CWF19L1: variants seen among roughly 807,000 people sequenced by gnomAD.
CWF19L1 encodes the protein CWF19-like protein 1.
In CWF19L1, 60 loss-of-function variants were observed where a neutral mutation model predicts 69.7. The observed-to-expected ratio is 0.86, with a 90% CI of 0.70 to 1.07. The LOEUF is 1.07. Ranked by LOEUF, CWF19L1 falls within the 50% of genes least tolerant of loss-of-function variation. The probability of loss-of-function intolerance (pLI) is 0.00; values close to 1 mark genes in which losing one functional copy is unlikely to be tolerated. For synonymous variants in CWF19L1, 209 were observed against 222.2 expected, an observed-to-expected ratio of 0.94 and a Z score of 0.53; for missense variants, 591 against 638.9, an observed-to-expected ratio of 0.92 and a Z score of 0.81.
chr10:100,267,020 C>T (rs1369146818), intron 1 of CWF19L1, among the ~76,000 whole-genome samples: 1 of 151,852 alleles, frequency 6.6e-6, no homozygotes, highest in Non-Finnish European at 1.5e-5. Flanking sequence ...CTAGACTCTA[C>T]GCTCCATTAA....
At chr10:100,264,609 CA>C (rs34568805) in intron 1 of CWF19L1, among the ~76,000 whole-genome samples, 13,917 of 100,456 alleles carry the variant, frequency 0.14, 855 homozygotes, top group African/African-American at 0.22. Flanking sequence ...CCTACGTATT[CA>C]AAAAAAAAAA....
intron 1 of CWF19L1, chr10:100,267,355 C>A (rs1454876394): frequency 1.1e-6 from 1 of 902,670 alleles, no homozygotes; most frequent in Admixed American, 6.2e-5. Context: ...CCTCTCCGAA[C>A]GAGCGTCGCC....
At chr10:100,245,533 G>A (rs1287254899) in intron 9 of CWF19L1, among the ~76,000 whole-genome samples, 3 of 152,208 alleles carry the variant, frequency 2.0e-5, no homozygotes, top group Non-Finnish European at 4.4e-5. Flanking sequence ...GAGCTATCTT[G>A]TAAAACTGGC....
In CWF19L1 at chr10:100,259,933, G is replaced by A. The variant is rs544588865; in HGVS notation, c.289+285C>T. Among the ~76,000 whole-genome samples the A allele has an allele frequency of 1.1e-4, 16 of 152,268 alleles. No homozygotes were observed. In the East Asian group the frequency reaches 1.7e-3, roughly 17 times the overall value. The stretch of plus-strand genomic sequence containing the variant: ...TGTAATCCCAGCACTCTGGGAGGCC[G>A]AGGTGGGCGGATCACGAGGTAAGGA... On this transcript the variant is annotated intron_variant, in intron 4 of 13. Coordinates refer to ENST00000354105, the MANE Select transcript of CWF19L1 (RefSeq NM_018294.6).
intron 10 of CWF19L1, among the ~76,000 whole-genome samples, chr10:100,241,952 G>A (rs1475211522): frequency 1.4e-4 from 21 of 152,108 alleles, no homozygotes; most frequent in Non-Finnish European, 1.3e-4. Context: ...AGTCACTGGT[G>A]ACTATAGTGT....
chr10:100,235,775 CAG>C lies in CWF19L1; in HGVS notation c.1375-13_1375-12del, dbSNP rs774874983. The C allele has an allele frequency of 2.5e-6, 4 of 1,585,714 alleles. No homozygotes were observed. The South Asian group carries it at 4.4e-5, about 18-fold the overall frequency. ...TCCTGGCTGTGCAATCTAAAGTAAA[CAG>C]AGTTGTATGAGGATGTCCAATAATG... On this transcript the variant is annotated splice_polypyrimidine_tract_variant and intron_variant, in intron 12 of 13. Transcript: ENST00000354105.
rs140499681 is a variant in CWF19L1, at chr10:100,246,153, G to T, written c.850-240C>A. 216 of 430,366 alleles carry T rather than the reference G, an allele frequency of 5.0e-4. 1 individual carries two copies. Among genetic ancestry groups the T allele is most frequent in the Middle Eastern group, 2.6e-3 (4 of 1,536 alleles). 26.7% of individuals were successfully genotyped at this position (430,366 alleles called of 1,614,324 possible). On this transcript the variant is annotated intron_variant, in intron 8 of 13. Coordinates refer to ENST00000354105, the MANE Select transcript of CWF19L1 (RefSeq NM_018294.6). ...TCTCTTTGGAAAAACGAGTTAAAAT[G>T]CAAGTTATAAAGTAATTCTTGCCTA...
intron 2 of CWF19L1, 87 bp from the exon 3 acceptor site, chr10:100,261,131 T>C: frequency 1.2e-6 from 1 of 845,690 alleles, no homozygotes; most frequent in Non-Finnish European, 1.9e-6. Context: ...AGTTATTTAA[T>C]AGTTTCAAAT....
intron 12 of CWF19L1, 32 bp downstream of exon 12, chr10:100,236,818 T>C: frequency 6.4e-7 from 1 of 1,555,384 alleles, no homozygotes; most frequent in Non-Finnish European, 8.7e-7. Context: ...AGATATTTAC[T>C]CTTCCCTGAA....
chr10:100,253,478 T>G lies in CWF19L1; in HGVS notation c.566A>C (p.Lys189Thr), dbSNP rs1017012366. 1 of 1,614,140 alleles carries G rather than the reference T, an allele frequency of 6.2e-7. No homozygotes were observed. Among genetic ancestry groups the G allele is most frequent in the Admixed American group, 1.7e-5 (1 of 60,020 alleles). Residue 189 changes from lysine to threonine, a missense_variant, in exon 6 of 14, where the codon AAA (lysine) becomes ACA (threonine). Physicochemically the swap from Lys to Thr is moderately conservative, Grantham distance 78. Coordinates refer to ENST00000354105, the MANE Select transcript of CWF19L1 (RefSeq NM_018294.6). ...ALVSSLATGL[K>T]PRYHFAALEK... ...CAAAGCAGCAAAATGGTATCTTGGT[T>G]TCAAGCCCGTGGCAAGACTGGAAAC...
chr10:100,240,341 G>A (rs1846598715), intron 10 of CWF19L1, among the ~76,000 whole-genome samples: 1 of 152,002 alleles, frequency 6.6e-6, no homozygotes, highest in Non-Finnish European at 1.5e-5. Flanking sequence ...GAAAGCCAGG[G>A]AAAAAATTTA....
chr10:100,247,745 G>A (rs936924601), intron 7 of CWF19L1, among the ~76,000 whole-genome samples: 1 of 152,020 alleles, frequency 6.6e-6, no homozygotes. Context: ...AAATACAAAA[G>A]ATTAGCCAGG....
intron 7 of CWF19L1, 25 bp downstream of exon 7, chr10:100,250,223 T>C (rs7072367): frequency 0.054 from 79,259 of 1,463,114 alleles, 2,645 homozygotes; most frequent in African/African-American, 0.14. Context: ...AATATCAACC[T>C]TCCACCAAAT....
chr10:100,254,855 C>T (rs1418539230), intron 5 of CWF19L1, among the ~76,000 whole-genome samples: 1 of 152,176 alleles, frequency 6.6e-6, no homozygotes, highest in Non-Finnish European at 1.5e-5. Flanking sequence ...TGTGCTCCAA[C>T]CAGCTCTATG....
chr10:100,258,708 T>C (rs1847292963), intron 4 of CWF19L1: 1 of 152,064 alleles, frequency 6.6e-6, no homozygotes, highest in Non-Finnish European at 1.5e-5. Flanking sequence ...CTTCCTTCAA[T>C]TTTTGCTTAA....
chr10:100,236,841 C>G lies in CWF19L1; in HGVS notation c.1374+9G>C, dbSNP rs1022963065. 6.3e-7 allele frequency: 1 copy of G among 1,578,786 alleles called. No individual in the cohort carries two copies. Among genetic ancestry groups the G allele is most frequent in the Non-Finnish European group, 8.6e-7 (1 of 1,167,584 alleles). On this transcript the variant is annotated intron_variant, in intron 12 of 13. Coordinates refer to ENST00000354105, the MANE Select transcript of CWF19L1 (RefSeq NM_018294.6). ...ACTCTTCCCTGAATATCACCATCCC[C>G]TGTTTCACCTGCTTGATGTCAGAGT...
chr10:100,236,452 C>T (rs1396717600), intron 12 of CWF19L1, among the ~76,000 whole-genome samples: 2 of 152,056 alleles, frequency 1.3e-5, no homozygotes, highest in Non-Finnish European at 2.9e-5. Flanking sequence ...GATAGCTCAA[C>T]ATGTCAAAAA....
At position 100,253,504 on chromosome 10, in the gene CWF19L1, C is replaced by G. The variant is rs1188224140; in HGVS notation, c.540G>C (p.Leu180Phe). ...EVDTKKCGSA[L>F]VSSLATGLKP... ...TCAAGCCCGTGGCAAGACTGGAAAC[C>G]AAAGCAGAACCACATTTTTTGGTAT... Residue 180 changes from leucine (L) to phenylalanine (F), a missense_variant, in exon 6 of 14, where the codon TTG (leucine) becomes TTC (phenylalanine). Leu to Phe is a conservative substitution (Grantham distance 22). Around this residue, in one of 3 missense-constraint regions of CWF19L1, gnomAD observed 458 missense variants for 489.3 expected, o/e 0.94. Transcript: ENST00000354105. The G allele has an allele frequency of 6.2e-7, 1 of 1,613,840 alleles. No individual in the cohort carries two copies. The highest frequency in any genetic ancestry group is 1.3e-5 in the African/African-American group (1 of 74,906).
chr10:100,244,052 A>G (rs1014412319), intron 9 of CWF19L1, among the ~76,000 whole-genome samples: 18 of 152,258 alleles, frequency 1.2e-4, no homozygotes, highest in Non-Finnish European at 1.9e-4. Context: ...GCAATAGGCT[A>G]CAACAAAAGA....
Sources: gnomAD v4.1 joint callset for allele counts (sites outside exome capture counted in the v4.1 genomes callset) on GRCh38, gnomAD v4.1.1 for gene constraint, gnomAD v4.1.1 regional missense constraint, MANE v1.5 for transcripts, NCBI Gene and HGNC (gene_info 2026-07-23, HGNC 2026-07-21) for gene names.